The following SHANK2 variants were observed in gnomAD, a reference collection of about 807,000 sequenced individuals.
SHANK2 encodes the protein SH3 and multiple ankyrin repeat domains 2, also known as SH3 and multiple ankyrin repeat domains protein 2.
A neutral mutation model predicts 133.7 loss-of-function variants in SHANK2; 43 were observed. The observed-to-expected ratio is 0.32, with a 90% confidence interval of 0.25 to 0.41. The LOEUF is 0.41. Ranked by LOEUF, SHANK2 falls within the 10% of genes least tolerant of loss-of-function variation. SHANK2 has a pLI of 1.00. For synonymous variants in SHANK2, 1,017 were observed against 952.8 expected (o/e 1.07, Z -1.24); for missense variants, 1,994 against 2,235.8 (o/e 0.89, Z 2.18).
intron 15 of SHANK2, among the ~76,000 whole-genome samples, chr11:70,683,529 A>G (rs1945075488): frequency 6.6e-6 from 1 of 152,168 alleles, no homozygotes; most frequent in Non-Finnish European, 1.5e-5. Context: ...ATTGCCACAA[A>G]CCGGGTGGTT....
chr11:71,092,301 G>T, intron 8 of SHANK2, 121 bp downstream of exon 8: 2 of 1,056,158 alleles, frequency 1.9e-6, no homozygotes, highest in Non-Finnish European at 2.8e-6. Flanking sequence ...CTCTGGGCAG[G>T]CCAAACAAAA....
At position 70,715,470 on chromosome 11, in the gene SHANK2, A is replaced by G. The variant is rs938260964; in HGVS notation, c.1778-16707T>C. Among the ~76,000 whole-genome samples the G allele has an allele frequency of 9.9e-5, 15 of 152,264 alleles. No homozygotes were observed. The South Asian group carries it at 2.5e-3, about 25-fold the overall frequency. ...TCTCGGGCCAAGCCAGGCTGGGGAC[A>G]CCGTAGGAGGGGAGGCTACACTCAG... On this transcript the variant is annotated intron_variant, in intron 14 of 25. Transcript: ENST00000601538.
At chr11:71,062,957 A>C (rs901279661) in intron 9 of SHANK2, among the ~76,000 whole-genome samples, 1 of 143,402 alleles carries the variant, frequency 7.0e-6, no homozygotes, top group Non-Finnish European at 1.5e-5. Context: ...TGATCGTGCC[A>C]CTGCATTCCA....
intron 9 of SHANK2, among the ~76,000 whole-genome samples, chr11:71,062,689 C>A (rs1951001418): frequency 1.3e-5 from 2 of 152,264 alleles, no homozygotes; most frequent in East Asian, 1.9e-4. Context: ...TCAGTAAGAA[C>A]TTTTTCTGAA....
intron 2 of SHANK2, among the ~76,000 whole-genome samples, chr11:71,168,038 G>T (rs1953218287): frequency 7.0e-6 from 1 of 142,710 alleles, no homozygotes; most frequent in African/African-American, 2.7e-5. Flanking sequence ...CGGGGCGGCT[G>T]CCAGGCGGAG....
chr11:70,664,077 G>A (rs1436708024), intron 15 of SHANK2, among the ~76,000 whole-genome samples: 1 of 152,178 alleles, frequency 6.6e-6, no homozygotes, highest in Non-Finnish European at 1.5e-5. Context: ...CCAGGACTCT[G>A]CAGCCCTAAG....
At chr11:71,135,121 G>A (rs1555104517) in intron 3 of SHANK2, among the ~76,000 whole-genome samples, 1 of 152,038 alleles carries the variant, frequency 6.6e-6, no homozygotes, top group Non-Finnish European at 1.5e-5. Context: ...GGCTGTCCCT[G>A]AAGACCCTCA....
At chr11:71,234,616 C>A (rs1954801387) in intron 1 of SHANK2, among the ~76,000 whole-genome samples, 1 of 152,142 alleles carries the variant, frequency 6.6e-6, no homozygotes, top group Admixed American at 6.5e-5. Flanking sequence ...CCTCGGTCCC[C>A]TTTTCTGGAA....
chr11:70,553,933 G>A (rs1429097290), intron 17 of SHANK2, among the ~76,000 whole-genome samples: 12 of 152,224 alleles, frequency 7.9e-5, no homozygotes, highest in African/African-American at 2.4e-4. Context: ...TGCGTGTGCC[G>A]CAGAAGAGGC....
intron 10 of SHANK2, among the ~76,000 whole-genome samples, chr11:70,897,576 A>G (rs1442041190): frequency 2.0e-5 from 3 of 152,174 alleles, no homozygotes; most frequent in Non-Finnish European, 4.4e-5. Context: ...TTATAAACAA[A>G]TGCAGACTTT....
At chr11:70,640,805 C>T (rs375909529) in intron 17 of SHANK2, among the ~76,000 whole-genome samples, 5 of 152,344 alleles carry the variant, frequency 3.3e-5, no homozygotes, top group South Asian at 2.1e-4. Flanking sequence ...ATCTGTAAAA[C>T]GGAGAGTCAG....
chr11:70,767,513 C>G (rs1224116642), intron 14 of SHANK2, among the ~76,000 whole-genome samples: 1 of 152,156 alleles, frequency 6.6e-6, no homozygotes, highest in East Asian at 1.9e-4. Flanking sequence ...AAAGGAAGCA[C>G]TACTCAGCCT....
At chr11:71,097,934 GTGTGCACGCCTGTGTGTC>G (rs1555095801) in intron 6 of SHANK2, among the ~76,000 whole-genome samples, 1 of 151,910 alleles carries the variant, frequency 6.6e-6, no homozygotes, top group African/African-American at 2.4e-5. Context: ...ATGCCTGTTT[GTGTGCACGCCTGTGTGTC>G]TGTGCATGCC....
chr11:71,080,650 A>G (rs1306166749), intron 8 of SHANK2, among the ~76,000 whole-genome samples: 1 of 152,176 alleles, frequency 6.6e-6, no homozygotes, highest in African/African-American at 2.4e-5. Flanking sequence ...GCCTTGTGAC[A>G]TGAGGTAGAG....
rs869042517 is a variant in SHANK2, at chr11:70,875,855, C to CAAAA, written c.1174+20642_1174+20645dup. ...GGGGTGACAGAGTGAGACACTGTTT[C>CAAAA]AAAAAAAAAAAAAAAAAGAGGCTGG... On this transcript the variant is annotated intron_variant, in intron 11 of 25. Transcript: ENST00000601538. Among the ~76,000 whole-genome samples, 183 of 94,990 alleles carry CAAAA rather than the reference C, an allele frequency of 1.9e-3. 1 individual carries two copies. Among genetic ancestry groups the CAAAA allele is most frequent in the African/African-American group, 6.1e-3 (173 of 28,512 alleles). 62.3% of individuals were successfully genotyped at this position (94,990 alleles called of 152,430 possible).
chr11:70,592,462 T>C (rs574610212), intron 17 of SHANK2, among the ~76,000 whole-genome samples: 1 of 151,950 alleles, frequency 6.6e-6, no homozygotes, highest in South Asian at 2.1e-4. Context: ...CAACACAGAC[T>C]CAAGCAGCAC....
intron 17 of SHANK2, among the ~76,000 whole-genome samples, chr11:70,642,660 G>A (rs968095259): frequency 3.3e-5 from 5 of 152,118 alleles, no homozygotes; most frequent in African/African-American, 1.2e-4. Context: ...GTCATCTTCT[G>A]GGAAACACCA....
At chr11:70,712,949 G>A (rs762930978) in intron 14 of SHANK2, among the ~76,000 whole-genome samples, 4 of 152,242 alleles carry the variant, frequency 2.6e-5, no homozygotes, top group East Asian at 1.9e-4. Context: ...TGTGTATGGC[G>A]TGTGTCATCC....
rs1944924012 is a variant in SHANK2 at position 70,677,482 on chromosome 11, A to T, written c.1854-15804T>A. Among the ~76,000 whole-genome samples, 3 of 151,968 alleles carry T rather than the reference A, an allele frequency of 2.0e-5. No homozygotes were observed. The South Asian group carries it at 6.2e-4, about 32-fold the overall frequency. On this transcript the variant is annotated intron_variant, in intron 15 of 25. Coordinates refer to ENST00000601538, the MANE Select transcript of SHANK2 (RefSeq NM_012309.5). Reference sequence around the variant, plus strand: ...TGCCTTCCCTCTGACCTTCCATGACACCACTGATGCCCTGTCTTTGTGACC... The same window carrying T: ...TGCCTTCCCTCTGACCTTCCATGACTCCACTGATGCCCTGTCTTTGTGACC...
Sources: allele counts gnomAD v4.1 joint callset (sites outside exome capture counted in the v4.1 genomes callset), GRCh38; gene constraint gnomAD v4.1.1; transcripts MANE v1.5; gene names NCBI Gene and HGNC (gene_info 2026-07-23, HGNC 2026-07-21).